BLMH: variants seen among roughly 807,000 people sequenced by gnomAD.
The protein encoded by BLMH is bleomycin hydrolase.
Under a neutral mutation model 61.6 loss-of-function variants are expected in BLMH, and 32 were observed. The ratio of observed to expected loss-of-function variants is 0.52; its 90% CI spans 0.39 to 0.70. The LOEUF is 0.70. Among genes scored for constraint, BLMH ranks in the 30% least tolerant of loss-of-function variants. The pLI is 0.00. For synonymous variants in BLMH, 183 were observed against 193.8 expected, an observed-to-expected ratio of 0.94 and a Z score of 0.46; for missense variants, 460 against 555.5, an observed-to-expected ratio of 0.83 and a Z score of 1.73.
intron 10 of BLMH, among the ~76,000 whole-genome samples, chr17:30,270,185 T>C (rs183249418): frequency 2.0e-5 from 3 of 152,216 alleles, no homozygotes; most frequent in African/African-American, 7.2e-5. Flanking sequence ...GTGGATAGGA[T>C]AGCAAAAACA....
intron 11 of BLMH, among the ~76,000 whole-genome samples, chr17:30,251,605 AG>A (rs2143019281): frequency 6.6e-6 from 1 of 152,356 alleles, no homozygotes; most frequent in Admixed American, 6.5e-5. Flanking sequence ...CCCACTACAC[AG>A]GACCAAGAGA....
intron 6 of BLMH, among the ~76,000 whole-genome samples, chr17:30,277,313 G>C (rs1908450151): frequency 2.0e-5 from 3 of 152,148 alleles, no homozygotes; most frequent in Admixed American, 6.5e-5. Flanking sequence ...AGCTCTGTTT[G>C]GGATTCACAT....
At chr17:30,257,192 A>G (rs1907840015) in intron 11 of BLMH, among the ~76,000 whole-genome samples, 2 of 152,250 alleles carry the variant, frequency 1.3e-5, no homozygotes, top group African/African-American at 4.8e-5. Flanking sequence ...CTGTACATAT[A>G]TATAGTAACC....
intron 2 of BLMH, 117 bp downstream of exon 2, chr17:30,291,194 T>A (rs1474987166): frequency 9.2e-6 from 12 of 1,300,480 alleles, no homozygotes; most frequent in African/African-American, 4.4e-5. Flanking sequence ...GCCTCATTCT[T>A]TACGAATTTA....
In BLMH at chr17:30,288,037, AC is replaced by A. The variant is rs2143052027; in HGVS notation, c.322-91del. ...TCAACAGAATGGGAGTCTTGGAATT[AC>A]CATGGAATCAACATAATAGTTTTTT... On this transcript the variant is annotated intron_variant, in intron 3 of 11. Transcript: ENST00000261714. The A allele has an allele frequency of 2.3e-6, 3 of 1,282,326 alleles. No individual in the cohort carries two copies. The South Asian group carries it at 4.3e-5, about 18-fold the overall frequency. The allele number at this position is 1,282,326 out of a possible 1,614,324, so 79.4% of individuals were successfully genotyped here.
intron 6 of BLMH, among the ~76,000 whole-genome samples, chr17:30,281,645 C>T (rs568829300): frequency 3.3e-5 from 5 of 152,142 alleles, no homozygotes; most frequent in African/African-American, 4.8e-5. Flanking sequence ...GTCCTGACAG[C>T]TTCACTTCCA....
chr17:30,256,767 C>G (rs1907830719), intron 11 of BLMH, among the ~76,000 whole-genome samples: 1 of 139,632 alleles, frequency 7.2e-6, no homozygotes, highest in Non-Finnish European at 1.6e-5. Flanking sequence ...GAGAAGAAAA[C>G]ATCAGAAACA....
At chr17:30,281,017 A>G (rs897266621) in intron 6 of BLMH, among the ~76,000 whole-genome samples, 14 of 151,244 alleles carry the variant, frequency 9.3e-5, no homozygotes, top group Admixed American at 3.3e-4. Flanking sequence ...AAGGGAAGAC[A>G]GCTGTCTACT....
At chr17:30,264,248 G>T (rs1908039302) in intron 11 of BLMH, among the ~76,000 whole-genome samples, 1 of 152,114 alleles carries the variant, frequency 6.6e-6, no homozygotes, top group Admixed American at 6.5e-5. Context: ...GAAATGCTTT[G>T]CTGTGTATAG....
intron 2 of BLMH, chr17:30,290,884 A>G (rs1200379718): frequency 6.1e-6 from 1 of 163,092 alleles, no homozygotes; most frequent in Admixed American, 5.8e-5. Context: ...GTAACATCTG[A>G]TGACATTTTA....
At chr17:30,271,766 T>C (rs1159945951) in intron 9 of BLMH, among the ~76,000 whole-genome samples, 1 of 152,208 alleles carries the variant, frequency 6.6e-6, no homozygotes, top group Non-Finnish European at 1.5e-5. Context: ...TCTGAATTCA[T>C]TTAAATCACT....
At chr17:30,261,921 A>G (rs1308421406) in intron 11 of BLMH, among the ~76,000 whole-genome samples, 2 of 152,242 alleles carry the variant, frequency 1.3e-5, no homozygotes, top group Non-Finnish European at 2.9e-5. Flanking sequence ...GGAAGTCTGA[A>G]AATTTTACTA....
At chr17:30,252,961 G>T (rs1055900133) in intron 11 of BLMH, among the ~76,000 whole-genome samples, 2 of 152,148 alleles carry the variant, frequency 1.3e-5, no homozygotes, top group African/African-American at 2.4e-5. Context: ...CAACCAGTGC[G>T]TATTATTTAA....
chr17:30,249,254 A>G (rs1597654161), intron 11 of BLMH, 86 bp from the exon 12 acceptor site: 1 of 1,363,966 alleles, frequency 7.3e-7, no homozygotes, highest in East Asian at 2.4e-5. Context: ...CCTTTTACAA[A>G]ACTAATATTC....
intron 7 of BLMH, 137 bp downstream of exon 7, chr17:30,273,905 A>T: frequency 9.3e-7 from 1 of 1,077,344 alleles, no homozygotes; most frequent in Non-Finnish European, 1.4e-6. Context: ...AAAATACTTC[A>T]GAGGAAGTGG....
intron 6 of BLMH, among the ~76,000 whole-genome samples, chr17:30,275,484 C>T (rs900176311): frequency 6.6e-6 from 1 of 151,886 alleles, no homozygotes; most frequent in African/African-American, 2.4e-5. Flanking sequence ...CATGGTGAAA[C>T]CCTGTCTTTA....
chr17:30,282,184 C>T (rs573253876), intron 6 of BLMH, among the ~76,000 whole-genome samples: 14 of 151,756 alleles, frequency 9.2e-5, no homozygotes, highest in African/African-American at 3.4e-4. Flanking sequence ...GTGTTACCAC[C>T]ATGCCTGGCT....
chr17:30,269,850 T>C (rs1318018834), intron 10 of BLMH, among the ~76,000 whole-genome samples: 1 of 152,208 alleles, frequency 6.6e-6, no homozygotes, highest in Admixed American at 6.5e-5. Flanking sequence ...CTGTGTTTGA[T>C]CTCATATAAA....
chr17:30,250,565 TA>T (rs1907643258), intron 11 of BLMH, among the ~76,000 whole-genome samples: 1 of 152,166 alleles, frequency 6.6e-6, no homozygotes, highest in African/African-American at 2.4e-5. Flanking sequence ...AGAATGGCCA[TA>T]ATTAAAAAGC....
Sources: allele counts gnomAD v4.1 joint callset (sites outside exome capture counted in the v4.1 genomes callset), GRCh38; gene constraint gnomAD v4.1.1; transcripts MANE v1.5; gene names NCBI Gene and HGNC (gene_info 2026-07-23, HGNC 2026-07-21).